The following SLC4A4 variants were observed in gnomAD, a reference collection of about 807,000 sequenced individuals.
The protein encoded by SLC4A4 is solute carrier family 4 member 4, also known as electrogenic sodium bicarbonate cotransporter 1.
In SLC4A4, 27 loss-of-function variants were observed where a neutral mutation model predicts 111.5. The observed-to-expected ratio is 0.24, with a 90% confidence interval of 0.18 to 0.33. SLC4A4 has a LOEUF of 0.33. SLC4A4 is among the 10% of genes least tolerant of loss of function. The pLI is 1.00. For synonymous variants in SLC4A4, 443 were observed against 463.4 expected, an observed-to-expected ratio of 0.96 and a Z score of 0.57; for missense variants, 909 against 1,315.5, an observed-to-expected ratio of 0.69 and a Z score of 4.78.
chr4:71,148,814 G>A (rs899777928), intron 2 of SLC4A4, among the ~76,000 whole-genome samples: 1 of 152,142 alleles, frequency 6.6e-6, no homozygotes, highest in Non-Finnish European at 1.5e-5. Context: ...GGGCATTTGT[G>A]TTGATTCAAT....
At chr4:71,258,726 C>T (rs576778360) in intron 3 of SLC4A4, among the ~76,000 whole-genome samples, 93 of 152,266 alleles carry the variant, frequency 6.1e-4, no homozygotes, top group African/African-American at 2.0e-3. Context: ...CCTGCCCTGC[C>T]TTTCTCCCTT....
chr4:71,466,974 A>AGG (rs369371881), intron 13 of SLC4A4, among the ~76,000 whole-genome samples: 139 of 103,912 alleles, frequency 1.3e-3, no homozygotes, highest in Middle Eastern at 9.4e-3. Context: ...AGGGAGAGAG[A>AGG]GAGAGGTCTG....
chr4:71,293,121 G>A (rs1375988629), intron 3 of SLC4A4, among the ~76,000 whole-genome samples: 4 of 151,146 alleles, frequency 2.6e-5, no homozygotes, highest in South Asian at 4.2e-4. Flanking sequence ...GATTACAGGC[G>A]TGAGCCACCG....
chr4:71,087,248 G>C (rs1742205135), intron 1 of SLC4A4, among the ~76,000 whole-genome samples: 1 of 151,644 alleles, frequency 6.6e-6, no homozygotes, highest in Non-Finnish European at 1.5e-5. Flanking sequence ...GATCAGTGGT[G>C]ATATCCCCTT....
intron 16 of SLC4A4, among the ~76,000 whole-genome samples, chr4:71,498,998 G>A (rs1016736640): frequency 2.0e-5 from 3 of 152,138 alleles, no homozygotes; most frequent in African/African-American, 7.2e-5. Context: ...ACTGGGAAAT[G>A]TGCTTTCTTG....
chr4:71,549,386 T>C (rs932610579), intron 20 of SLC4A4, among the ~76,000 whole-genome samples: 20 of 151,850 alleles, frequency 1.3e-4, no homozygotes, highest in South Asian at 2.1e-4. Flanking sequence ...TATGAGCCCA[T>C]GTTGTGAGAA....
intron 3 of SLC4A4, among the ~76,000 whole-genome samples, chr4:71,265,008 G>A (rs190955686): frequency 1.3e-5 from 2 of 152,292 alleles, no homozygotes; most frequent in East Asian, 3.9e-4. Flanking sequence ...AACCACACTT[G>A]GAAGGTTTAT....
At chr4:71,173,914 T>C (rs1455250875) in intron 2 of SLC4A4, among the ~76,000 whole-genome samples, 1 of 152,222 alleles carries the variant, frequency 6.6e-6, no homozygotes, top group Non-Finnish European at 1.5e-5. Context: ...GGGATTTTTA[T>C]TAAGATTAAA....
At position 71,371,489 on chromosome 4, in the gene SLC4A4, C is replaced by A. The variant is rs185765764; in HGVS notation, c.730+14302C>A. ...GAACTCCTGACCTCAGGTGATCCAC[C>A]CGCCTCGGCCTCCCAAAGCTCTGGG... On this transcript the variant is annotated intron_variant, in intron 6 of 25. Coordinates refer to ENST00000264485, the MANE Select transcript of SLC4A4 (RefSeq NM_001098484.3). 1.4e-3 allele frequency among the ~76,000 whole-genome samples: 211 copies of A among 152,098 alleles called. 1 individual carries two copies. Among genetic ancestry groups the A allele is most frequent in the African/African-American group, 4.8e-3 (199 of 41,478 alleles).
intron 6 of SLC4A4, among the ~76,000 whole-genome samples, chr4:71,359,271 T>A (rs570172961): frequency 6.6e-6 from 1 of 152,234 alleles, no homozygotes. Context: ...TGTGAAATGT[T>A]ATATATGCTG....
intron 14 of SLC4A4, among the ~76,000 whole-genome samples, chr4:71,478,821 T>C (rs542974076): frequency 6.6e-6 from 1 of 151,772 alleles, no homozygotes; most frequent in African/African-American, 2.4e-5. Flanking sequence ...TATTATAAAA[T>C]GTATTGTTTT....
chr4:71,265,746 T>G (rs549676095), intron 3 of SLC4A4, among the ~76,000 whole-genome samples: 2 of 152,302 alleles, frequency 1.3e-5, no homozygotes, highest in Admixed American at 1.3e-4. Context: ...CTAACGATTT[T>G]CCCTTTATTC....
chr4:71,105,991 C>T (rs1240607374), intron 2 of SLC4A4, among the ~76,000 whole-genome samples: 2 of 140,086 alleles, frequency 1.4e-5, no homozygotes, highest in African/African-American at 2.7e-5. Context: ...AGGCAACCTA[C>T]AAAATGGGAG....
chr4:71,251,224 T>C (rs1247036014), intron 2 of SLC4A4, among the ~76,000 whole-genome samples: 1 of 152,224 alleles, frequency 6.6e-6, no homozygotes, highest in Non-Finnish European at 1.5e-5. Context: ...AAATGTGTAT[T>C]TGTGAAAGCC....
At chr4:71,362,151 CT>C (rs1413193767) in intron 6 of SLC4A4, among the ~76,000 whole-genome samples, 10 of 152,214 alleles carry the variant, frequency 6.6e-5, no homozygotes, top group African/African-American at 2.4e-4. Context: ...TTCCTAACTT[CT>C]TCATTTTTTG....
intron 2 of SLC4A4, among the ~76,000 whole-genome samples, chr4:71,125,322 C>A (rs1465218753): frequency 6.6e-6 from 1 of 152,204 alleles, no homozygotes; most frequent in Non-Finnish European, 1.5e-5. Context: ...GGCCCAGTGG[C>A]TCATACCTGT....
intron 3 of SLC4A4, among the ~76,000 whole-genome samples, chr4:71,309,242 C>T (rs375555312): frequency 6.6e-6 from 1 of 152,202 alleles, no homozygotes; most frequent in Non-Finnish European, 1.5e-5. Context: ...TCCCATCTCC[C>T]TAGGGCAGAG....
At chr4:71,244,758 A>T (rs777056716) in intron 2 of SLC4A4, among the ~76,000 whole-genome samples, 3 of 141,558 alleles carry the variant, frequency 2.1e-5, no homozygotes, top group Admixed American at 7.8e-5. Context: ...AAATTTAAGT[A>T]ACTGATGGAC....
intron 16 of SLC4A4, among the ~76,000 whole-genome samples, chr4:71,504,873 C>T (rs534499235): frequency 3.9e-4 from 59 of 152,044 alleles, no homozygotes; most frequent in Non-Finnish European, 7.6e-4. Context: ...GATTCTCTCC[C>T]TCTTCCCACC....
Sources: allele counts gnomAD v4.1 joint callset (sites outside exome capture counted in the v4.1 genomes callset), GRCh38; gene constraint gnomAD v4.1.1; transcripts MANE v1.5; gene names NCBI Gene and HGNC (gene_info 2026-07-23, HGNC 2026-07-21).